Variants in ARB2A observed in about 807,000 individuals in gnomAD.
ARB2A encodes ARB2 cotranscriptional regulator A.
At chr5:94,101,722 G>A in the ARB2A span, among the ~76,000 whole-genome samples, 2 of 152,150 alleles carry the variant, frequency 1.3e-5, no homozygotes, top group African/African-American at 4.8e-5. Context: ...GTTCTCACTT[G>A]TAAGTGGGAG....
chr5:93,958,722 T>C, the ARB2A span: 5 of 1,240,456 alleles, frequency 4.0e-6, no homozygotes, highest in South Asian at 2.2e-5. Context: ...TAAAAACATA[T>C]AATAAAACAG....
At chr5:93,694,685 C>T in the ARB2A span, among the ~76,000 whole-genome samples, 7 of 152,134 alleles carry the variant, frequency 4.6e-5, no homozygotes, top group Non-Finnish European at 1.0e-4. Context: ...TTAGAAAAAG[C>T]TACTTTAAAT....
chr5:94,036,829 C>T, the ARB2A span, among the ~76,000 whole-genome samples: 2 of 152,164 alleles, frequency 1.3e-5, no homozygotes, highest in Non-Finnish European at 2.9e-5. Context: ...CCAAAGAATT[C>T]AGGTTCTTTA....
the ARB2A span, among the ~76,000 whole-genome samples, chr5:93,944,803 G>T: frequency 6.6e-6 from 1 of 152,274 alleles, no homozygotes; most frequent in East Asian, 1.9e-4. Context: ...TGTCACCTCT[G>T]TATATATTTG....
At chr5:93,882,882 GT>G in the ARB2A span, among the ~76,000 whole-genome samples, 1 of 151,320 alleles carries the variant, frequency 6.6e-6, no homozygotes, top group African/African-American at 2.4e-5. Context: ...CTTAAAATAG[GT>G]AGTATATATA....
the ARB2A span, chr5:94,053,254 C>T: frequency 8.6e-7 from 1 of 1,162,786 alleles, no homozygotes; most frequent in Non-Finnish European, 1.2e-6. Context: ...ATGAAATTTA[C>T]TTATATTCAT....
the ARB2A span, among the ~76,000 whole-genome samples, chr5:94,099,442 G>A: frequency 6.6e-6 from 1 of 151,482 alleles, no homozygotes; most frequent in African/African-American, 2.4e-5. Flanking sequence ...GGCTAACACG[G>A]AGAAACCCCG....
the ARB2A span, among the ~76,000 whole-genome samples, chr5:93,755,151 T>C: frequency 6.6e-6 from 1 of 152,188 alleles, no homozygotes; most frequent in Non-Finnish European, 1.5e-5. Flanking sequence ...GAACTCAAAA[T>C]GTCCCTCCAG....
the ARB2A span, chr5:93,805,939 C>T: frequency 2.0e-6 from 2 of 984,868 alleles, no homozygotes; most frequent in Admixed American, 1.2e-4. Context: ...TATATAGACT[C>T]TTCTGATTTC....
the ARB2A span, among the ~76,000 whole-genome samples, chr5:93,718,409 C>G: frequency 6.6e-6 from 1 of 151,926 alleles, no homozygotes; most frequent in African/African-American, 2.4e-5. Flanking sequence ...ACTGCTCCAG[C>G]CTGGGCAATG....
chr5:93,895,228 A>G, the ARB2A span, among the ~76,000 whole-genome samples: 2 of 152,204 alleles, frequency 1.3e-5, no homozygotes, highest in East Asian at 3.9e-4. Flanking sequence ...CACCAGAGAT[A>G]ATTATTTCAA....
the ARB2A span, among the ~76,000 whole-genome samples, chr5:93,649,843 C>G: frequency 6.6e-6 from 1 of 151,842 alleles, no homozygotes; most frequent in Admixed American, 6.6e-5. Flanking sequence ...CAGTGTTTAC[C>G]CTAAAGTTAA....
chr5:93,980,561 T>C, the ARB2A span, among the ~76,000 whole-genome samples: 3 of 152,306 alleles, frequency 2.0e-5, no homozygotes, highest in South Asian at 6.2e-4. Context: ...CTCCTATTAA[T>C]ACATGCTAAA....
chr5:93,812,017 T>G, the ARB2A span, among the ~76,000 whole-genome samples: 8 of 152,174 alleles, frequency 5.3e-5, no homozygotes, highest in Non-Finnish European at 1.0e-4. Flanking sequence ...GAGGCAGAAC[T>G]CTTAACACAG....
At chr5:94,079,928 C>T in the ARB2A span, among the ~76,000 whole-genome samples, 1 of 152,052 alleles carries the variant, frequency 6.6e-6, no homozygotes, top group African/African-American at 2.4e-5. Context: ...TATTGCATTG[C>T]TTTTTGGCTA....
At chr5:93,635,771 G>A in the ARB2A span, among the ~76,000 whole-genome samples, 1 of 152,026 alleles carries the variant, frequency 6.6e-6, no homozygotes, top group African/African-American at 2.4e-5. Flanking sequence ...TACTTGCTTT[G>A]CTTTACTAGT....
the ARB2A span, among the ~76,000 whole-genome samples, chr5:93,957,302 C>G: frequency 6.6e-6 from 1 of 152,094 alleles, no homozygotes; most frequent in Admixed American, 6.5e-5. Context: ...AAATATTTCA[C>G]CTAGCACTGC....
At chr5:93,711,202 T>G in the ARB2A span, among the ~76,000 whole-genome samples, 462 of 151,432 alleles carry the variant, frequency 3.1e-3, 2 homozygotes, top group African/African-American at 0.011. Flanking sequence ...TATTTTTTTT[T>G]TTGTTTTTTT....
At chr5:93,925,549 A>G in the ARB2A span, among the ~76,000 whole-genome samples, 6 of 152,220 alleles carry the variant, frequency 3.9e-5, no homozygotes, top group Admixed American at 6.5e-5. Flanking sequence ...TATCCTGAGT[A>G]AAACAAAGTA....
Sources: allele counts gnomAD v4.1 joint callset (sites outside exome capture counted in the v4.1 genomes callset), GRCh38; gene constraint gnomAD v4.1.1; transcripts MANE v1.5; gene names NCBI Gene and HGNC (gene_info 2026-07-23, HGNC 2026-07-21).